The following FERMT1 variants were observed in gnomAD, a reference collection of about 807,000 sequenced individuals.
The protein encoded by FERMT1 is FERM domain containing kindlin 1, also known as fermitin family homolog 1.
Under a neutral mutation model 85.3 loss-of-function variants are expected in FERMT1, and 60 were observed. The ratio of observed to expected loss-of-function variants is 0.70; its 90% confidence interval spans 0.57 to 0.87. FERMT1 has a LOEUF of 0.87. Ranked by LOEUF, FERMT1 falls within the 40% of genes least tolerant of loss-of-function variation. The pLI, the probability that FERMT1 is intolerant of heterozygous loss-of-function variation, is 0.00. For missense variants in FERMT1, 701 were observed against 818.9 expected, an observed-to-expected ratio of 0.86 and a Z score of 1.76; for synonymous variants, 275 against 301.1, an observed-to-expected ratio of 0.91 and a Z score of 0.90.
At chr20:6,091,188 T>C (rs6139911) in intron 9 of FERMT1, among the ~76,000 whole-genome samples, 76,353 of 151,270 alleles carry the variant, frequency 0.5, 19,715 homozygotes, top group East Asian at 0.78. Flanking sequence ...AACCAAAAAA[T>C]TGGTATTTAT....
chr20:6,117,510 T>A (rs1189576960), intron 2 of FERMT1, among the ~76,000 whole-genome samples: 3 of 151,844 alleles, frequency 2.0e-5, no homozygotes, highest in Non-Finnish European at 2.9e-5. Flanking sequence ...CTCAGCTCAC[T>A]GCAACCTCTG....
At chr20:6,110,046 T>A (rs1982902174) in intron 5 of FERMT1, among the ~76,000 whole-genome samples, 1 of 152,218 alleles carries the variant, frequency 6.6e-6, no homozygotes, top group South Asian at 2.1e-4. Flanking sequence ...TTTGCATATC[T>A]GTAGTGGTAA....
At chr20:6,101,379 A>G (rs1982653780) in intron 6 of FERMT1, among the ~76,000 whole-genome samples, 1 of 152,228 alleles carries the variant, frequency 6.6e-6, no homozygotes, top group Non-Finnish European at 1.5e-5. Flanking sequence ...GTGGTTAAAA[A>G]AAGTGAGTCT....
intron 8 of FERMT1, 92 bp downstream of exon 8, chr20:6,096,807 TCAG>T: frequency 1.8e-6 from 1 of 548,194 alleles, no homozygotes; most frequent in Non-Finnish European, 3.1e-6. Context: ...TTTTTCAAAA[TCAG>T]ATGAAATATT....
chr20:6,109,832 G>A (rs577200707), intron 5 of FERMT1, among the ~76,000 whole-genome samples: 14 of 150,996 alleles, frequency 9.3e-5, no homozygotes, highest in Admixed American at 8.6e-4. Flanking sequence ...ACCCAGGGGG[G>A]CAGAGATTGT....
Position 6,096,996 on chromosome 20 carries a change from T to C in FERMT1, c.995A>G (p.Gln332Arg). Residue 332 changes from glutamine to arginine, a missense_variant, in exon 8 of 15, where the codon CAG (glutamine) becomes CGG (arginine). Physicochemically the swap from Gln to Arg is conservative, Grantham distance 43. Transcript: ENST00000217289. ...AACCTCGGACTCGCCTGCAAAATCC[T>C]GTGTTTCAGCAGACAACGACAGTTT... ...ISKLSLSAETQDFAGESEVDE... is the reference protein window; with the variant it reads ...ISKLSLSAETRDFAGESEVDE... 6.2e-7 allele frequency: 1 copy of C among 1,613,982 alleles called. No individual in the cohort carries two copies. Among genetic ancestry groups the C allele is most frequent in the East Asian group, 2.2e-5 (1 of 44,884 alleles).
chr20:6,085,409 A>C, intron 11 of FERMT1, 122 bp from the exon 12 acceptor site: 1 of 828,136 alleles, frequency 1.2e-6, no homozygotes, highest in Non-Finnish European at 2.0e-6. Context: ...GCAAGATGTG[A>C]AGTGGCACAC....
rs139184940 is a variant in FERMT1 at position 6,085,095 on chromosome 20, G to A, written c.1564C>T (p.Arg522Trp). 35 of 1,613,990 alleles carry A rather than the reference G, an allele frequency of 2.2e-5. No individual in the cohort carries two copies. The highest frequency in any genetic ancestry group is 1.6e-4 in the Middle Eastern group (1 of 6,062). Residue 522 changes from arginine to tryptophan, a missense_variant, in exon 12 of 15, where the codon CGG (arginine) becomes TGG (tryptophan). By Grantham distance (101) the Arg-to-Trp change is moderately radical (BLOSUM62 -3). Transcript: ENST00000217289. Reference protein sequence around the residue: ...DMNPECFVSPRCAKRHKSKQL... With the variant: ...DMNPECFVSPWCAKRHKSKQL... ...TTGGATTTGTGTCTTTTTGCACACCGTGGTGACACAAAACATTCTGGGTTC... is the reference window on the plus strand; with the variant it reads ...TTGGATTTGTGTCTTTTTGCACACCATGGTGACACAAAACATTCTGGGTTC...
At chr20:6,110,818 G>A (rs1982928207) in intron 4 of FERMT1, among the ~76,000 whole-genome samples, 1 of 152,294 alleles carries the variant, frequency 6.6e-6, no homozygotes, top group Admixed American at 6.5e-5. Flanking sequence ...TGATGGTACA[G>A]AGATTAGTAA....
At chr20:6,098,033 C>T (rs1488442327) in intron 6 of FERMT1, among the ~76,000 whole-genome samples, 1 of 152,004 alleles carries the variant, frequency 6.6e-6, no homozygotes, top group Admixed American at 6.6e-5. Flanking sequence ...AGGCTGGTCT[C>T]AAACTCCTGT....
chr20:6,087,367 G>C (rs531342157), intron 11 of FERMT1, among the ~76,000 whole-genome samples: 1 of 152,188 alleles, frequency 6.6e-6, no homozygotes, highest in Non-Finnish European at 1.5e-5. Flanking sequence ...CTGGAGTGCG[G>C]TGGTGCCATC....
At chr20:6,108,700 C>T (rs1283637382) in intron 5 of FERMT1, among the ~76,000 whole-genome samples, 1 of 151,810 alleles carries the variant, frequency 6.6e-6, no homozygotes, top group Non-Finnish European at 1.5e-5. Context: ...ATCTCAGCTA[C>T]TTGGGAGGCT....
intron 4 of FERMT1, among the ~76,000 whole-genome samples, chr20:6,111,431 A>G (rs942565357): frequency 6.6e-6 from 1 of 152,118 alleles, no homozygotes; most frequent in Admixed American, 6.6e-5. Flanking sequence ...CAGGAGTTTG[A>G]GACCAGCCTG....
intron 9 of FERMT1, among the ~76,000 whole-genome samples, chr20:6,090,280 G>A (rs552279805): frequency 2.5e-4 from 38 of 151,994 alleles, no homozygotes; most frequent in African/African-American, 3.6e-4. Flanking sequence ...TCACTATGTT[G>A]GCCAGGATGG....
chr20:6,103,237 G>C (rs1982708594), intron 6 of FERMT1, among the ~76,000 whole-genome samples: 1 of 152,132 alleles, frequency 6.6e-6, no homozygotes, highest in African/African-American at 2.4e-5. Flanking sequence ...TGCACCTGGA[G>C]TCTGTTTCAT....
intron 4 of FERMT1, 49 bp downstream of exon 4, chr20:6,112,428 T>G: frequency 6.3e-7 from 1 of 1,587,854 alleles, no homozygotes; most frequent in Non-Finnish European, 8.6e-7. Flanking sequence ...ATTTCTCTCT[T>G]GAGTTTTACT....
rs1224521513 is a variant in FERMT1, at chr20:6,115,983, C to T, written c.213G>A (p.Leu71=). ...LWWEQKHCWL[L]KTHWTLDKYG... The stretch of plus-strand genomic sequence containing the variant: ...ATTTGTCCAGGGTCCAGTGGGTTTT[C>T]AGAAGCCAGCAATGCTTCTGTTCCC... The change falls in exon 3 of 15, where the codon CTG becomes CTA. Residue 71 remains leucine, a synonymous_variant. Transcript: ENST00000217289. 3 of 1,614,050 alleles carry T rather than the reference C, an allele frequency of 1.9e-6. No homozygotes were observed. The highest frequency in any genetic ancestry group is 1.7e-5 in the Admixed American group (1 of 60,000).
rs140289682 is a variant in FERMT1, at chr20:6,095,220, A to T, written c.1090-232T>A. ...TGGGAGGAGAATGGGGGCCCTGTTG[A>T]GGTCCCCTAGGTGGCTGGCAAAGTT... On this transcript the variant is annotated intron_variant, in intron 8 of 14. Transcript: ENST00000217289. Among the ~76,000 whole-genome samples the T allele has an allele frequency of 9.5e-3, 1,450 of 152,308 alleles. 12 individuals are homozygous for T. Among genetic ancestry groups the T allele is most frequent in the Middle Eastern group, 0.027 (8 of 294 alleles).
At chr20:6,117,581 G>T (rs754806092) in intron 2 of FERMT1, among the ~76,000 whole-genome samples, 6 of 152,100 alleles carry the variant, frequency 3.9e-5, no homozygotes, top group African/African-American at 7.2e-5. Context: ...TTGTAGGCAC[G>T]CACCACCATG....
Sources: allele counts gnomAD v4.1 joint callset (sites outside exome capture counted in the v4.1 genomes callset), GRCh38; gene constraint gnomAD v4.1.1; transcripts MANE v1.5; gene names NCBI Gene and HGNC (gene_info 2026-07-23, HGNC 2026-07-21).